TGFB2: variants seen among roughly 807,000 people sequenced by gnomAD.
The protein encoded by TGFB2 is transforming growth factor beta 2.
In TGFB2, 13 loss-of-function variants were observed where a neutral mutation model predicts 42.7. The ratio of observed to expected loss-of-function variants is 0.30; its 90% CI spans 0.20 to 0.48. The LOEUF is 0.48. Among genes scored for constraint, TGFB2 ranks in the 20% least tolerant of loss-of-function variants. The pLI is 0.99. For missense variants in TGFB2, 390 were observed against 517.5 expected, an observed-to-expected ratio of 0.75 and a Z score of 2.39; for synonymous variants, 193 against 193.6, an observed-to-expected ratio of 1.00 and a Z score of 0.03.
chr1:218,346,827 G>A lies in TGFB2; in HGVS notation c.126G>A (p.Gly42=), dbSNP rs1199107727. The change falls in exon 1 of 7, where the codon GGG becomes GGA. Residue 42 remains glycine, a synonymous_variant. Transcript: ENST00000366930. This position sits in a 1 kb window ranked among gnomAD's most constrained non-coding sequence, Gnocchi z 4.9. ...GCAAGAGGATCGAGGCGATCCGCGG[G>A]CAGATCCTGAGCAAGCTGAAGCTCA... ...FMRKRIEAIR[G]QILSKLKLTS... is the part of the protein sequence containing the mutation. The A allele has an allele frequency of 1.2e-6, 2 of 1,614,048 alleles. No homozygotes were observed. The highest frequency in any genetic ancestry group is 1.7e-5 in the Admixed American group (1 of 59,994).
At chr1:218,426,432 C>T (rs576113074) in intron 2 of TGFB2, among the ~76,000 whole-genome samples, 1 of 152,300 alleles carries the variant, frequency 6.6e-6, no homozygotes, top group Admixed American at 6.5e-5. Context: ...TATCCACTGC[C>T]CAGTTGGCTG....
chr1:218,420,783 C>G (rs576609479), intron 2 of TGFB2, among the ~76,000 whole-genome samples: 2 of 152,132 alleles, frequency 1.3e-5, no homozygotes, highest in South Asian at 2.1e-4. Context: ...ATACTCTGTA[C>G]TGTAAAGCGA....
intron 1 of TGFB2, among the ~76,000 whole-genome samples, chr1:218,369,521 T>C (rs890404636): frequency 2.6e-5 from 4 of 152,182 alleles, no homozygotes; most frequent in African/African-American, 9.7e-5. Flanking sequence ...CCTTAGTTAT[T>C]GGCAACTCAC....
chr1:218,368,695 A>T (rs1187365550), intron 1 of TGFB2, among the ~76,000 whole-genome samples: 1 of 152,212 alleles, frequency 6.6e-6, no homozygotes, highest in African/African-American at 2.4e-5. Flanking sequence ...AAGGGAGTGC[A>T]TGTAAGCAGA....
At chr1:218,375,899 A>G (rs1158514020) in intron 1 of TGFB2, among the ~76,000 whole-genome samples, 6 of 152,196 alleles carry the variant, frequency 3.9e-5, no homozygotes, top group Non-Finnish European at 7.3e-5. Context: ...CACATCCTGC[A>G]TATGTACCCC....
intron 1 of TGFB2, among the ~76,000 whole-genome samples, chr1:218,403,020 G>A (rs1036215191): frequency 1.3e-5 from 2 of 152,158 alleles, no homozygotes; most frequent in African/African-American, 4.8e-5. Context: ...AGTTCTATTT[G>A]TTCTCAGCAG....
chr1:218,410,998 A>T (rs148290106), intron 2 of TGFB2, among the ~76,000 whole-genome samples: 38 of 152,280 alleles, frequency 2.5e-4, no homozygotes, highest in African/African-American at 8.4e-4. Flanking sequence ...TTAATGACAT[A>T]TCTAAGGGTA....
intron 1 of TGFB2, among the ~76,000 whole-genome samples, chr1:218,404,093 C>T (rs1658824839): frequency 6.7e-6 from 1 of 149,478 alleles, no homozygotes; most frequent in Non-Finnish European, 1.5e-5. Flanking sequence ...TCTAAAGCAA[C>T]CCAGGAGCTT....
chr1:218,351,341 A>G (rs1043336752), intron 1 of TGFB2, among the ~76,000 whole-genome samples: 1 of 152,136 alleles, frequency 6.6e-6, no homozygotes. Context: ...AGAAAAAGAG[A>G]GCGTATCAAA....
intron 1 of TGFB2, among the ~76,000 whole-genome samples, chr1:218,359,359 T>A (rs1395838449): frequency 6.6e-6 from 1 of 152,224 alleles, no homozygotes; most frequent in African/African-American, 2.4e-5. Flanking sequence ...TTATTATGTG[T>A]GTTAACTAAA....
Position 218,436,107 on chromosome 1 carries a change from C to T in TGFB2, c.892C>T (p.Arg298Trp), listed in dbSNP as rs1200175663. The T allele has an allele frequency of 1.9e-6, 3 of 1,613,610 alleles. No individual in the cohort carries two copies. Among genetic ancestry groups the T allele is most frequent in the Non-Finnish European group, 2.5e-6 (3 of 1,179,882 alleles). The change falls in exon 5 of 7, where the codon CGG (arginine) becomes TGG (tryptophan). Residue 298 changes from arginine (R) to tryptophan (W), a missense_variant. Physicochemically the swap from Arg to Trp is moderately radical, Grantham distance 101. Transcript: ENST00000366930. The part of the protein sequence containing the change: ...SYRLESQQTN[R>W]RKKRALDAAY... ...CAGACTTGAGTCACAACAGACCAACCGGCGGAAGAAGCGTGCTTTGGATGC... is the reference window on the plus strand; with the variant it reads ...CAGACTTGAGTCACAACAGACCAACTGGCGGAAGAAGCGTGCTTTGGATGC...
At chr1:218,377,152 C>G (rs1657768949) in intron 1 of TGFB2, among the ~76,000 whole-genome samples, 1 of 152,166 alleles carries the variant, frequency 6.6e-6, no homozygotes, top group South Asian at 2.1e-4. Flanking sequence ...TCCTAAAGTG[C>G]TGGGATTACA....
chr1:218,397,563 C>CAAAAAA (rs759635592), intron 1 of TGFB2, among the ~76,000 whole-genome samples: 193 of 91,366 alleles, frequency 2.1e-3, no homozygotes, highest in Non-Finnish European at 4.2e-3. Flanking sequence ...GACTCCGTCT[C>CAAAAAA]AAAAAAAAAA....
chr1:218,440,418 TTTCC>T (rs545030707), intron 6 of TGFB2, among the ~76,000 whole-genome samples: 1 of 151,982 alleles, frequency 6.6e-6, no homozygotes, highest in Non-Finnish European at 1.5e-5. Flanking sequence ...AAAGATTTCA[TTTCC>T]TTCCTTCCTT....
At chr1:218,365,413 C>T (rs865938052) in intron 1 of TGFB2, among the ~76,000 whole-genome samples, 3 of 152,154 alleles carry the variant, frequency 2.0e-5, no homozygotes, top group Non-Finnish European at 4.4e-5. Context: ...GGGTTATTTT[C>T]GGTCACTTAA....
Position 218,437,391 on chromosome 1 carries a change from G to A in TGFB2, c.981G>A (p.Lys327=). Residue 327 remains lysine (K), a synonymous_variant, in exon 6 of 7, where the codon AAG becomes AAA. Transcript: ENST00000366930. ...TACGTCCACTTTACATTGATTTCAA[G>A]AGGGATCTAGGGTGGAAATGGATAC... ...CCLRPLYIDF[K]RDLGWKWIHE... The A allele has an allele frequency of 1.2e-6, 2 of 1,611,412 alleles. No individual in the cohort carries two copies. Among genetic ancestry groups the A allele is most frequent in the Non-Finnish European group, 1.7e-6 (2 of 1,179,202 alleles).
chr1:218,438,263 A>C (rs1476734477), intron 6 of TGFB2, among the ~76,000 whole-genome samples: 1 of 152,184 alleles, frequency 6.6e-6, no homozygotes, highest in East Asian at 1.9e-4. Flanking sequence ...AGTATCATAT[A>C]TAGATAAAGT....
At chr1:218,440,201 T>TTGATTATGATTG (rs1338912700) in intron 6 of TGFB2, among the ~76,000 whole-genome samples, 1 of 152,098 alleles carries the variant, frequency 6.6e-6, no homozygotes, top group African/African-American at 2.4e-5. Flanking sequence ...TAGTGGAGGG[T>TTGATTATGATTG]TGATTATGAT....
At chr1:218,350,021 C>T (rs760155659) in intron 1 of TGFB2, among the ~76,000 whole-genome samples, 7 of 152,268 alleles carry the variant, frequency 4.6e-5, no homozygotes, top group Non-Finnish European at 7.3e-5. Context: ...ATAGTTTGCC[C>T]ACTGGGAATT....
Sources: allele counts gnomAD v4.1 joint callset (sites outside exome capture counted in the v4.1 genomes callset), GRCh38; gene constraint gnomAD v4.1.1; non-coding constraint Gnocchi (gnomAD v3.1); transcripts MANE v1.5; gene names NCBI Gene and HGNC (gene_info 2026-07-23, HGNC 2026-07-21).